MGAT4C: variants seen among roughly 807,000 people sequenced by gnomAD.
MGAT4C encodes MGAT4 family member C, also known as alpha-1,3-mannosyl-glycoprotein 4-beta-N-acetylglucosaminyltransferase C.
MGAT4C carries 19 observed loss-of-function variants against 40.1 expected under a neutral mutation model. The observed-to-expected ratio is 0.47, with a 90% CI of 0.33 to 0.70. The LOEUF (loss-of-function observed/expected upper bound fraction) is 0.70, where lower values mean the gene tolerates loss of function less well. MGAT4C is among the 30% of genes least tolerant of loss of function. The pLI is 0.02. For synonymous variants in MGAT4C, 181 were observed against 187.1 expected, an observed-to-expected ratio of 0.97 and a Z score of 0.27; for missense variants, 491 against 563.2, an observed-to-expected ratio of 0.87 and a Z score of 1.30.
intron 2 of MGAT4C, among the ~76,000 whole-genome samples, chr12:86,686,868 G>T (rs2136589770): frequency 6.6e-6 from 1 of 152,340 alleles, no homozygotes; most frequent in Non-Finnish European, 1.5e-5. Flanking sequence ...TTAGGGAGGA[G>T]TCCCTCTTTT....
intron 3 of MGAT4C, among the ~76,000 whole-genome samples, chr12:86,352,649 A>G (rs1955191495): frequency 6.6e-6 from 1 of 152,142 alleles, no homozygotes; most frequent in Admixed American, 6.6e-5. Context: ...AACACCTTTC[A>G]GTTGTTTCTT....
At chr12:86,029,525 A>C (rs762501766) in intron 2 of MGAT4C, among the ~76,000 whole-genome samples, 9 of 151,992 alleles carry the variant, frequency 5.9e-5, no homozygotes, top group African/African-American at 1.9e-4. Flanking sequence ...TTCTTTCCTT[A>C]GTCACAATTT....
intron 1 of MGAT4C, among the ~76,000 whole-genome samples, chr12:86,079,766 A>G (rs1470367462): frequency 6.6e-6 from 1 of 151,264 alleles, no homozygotes; most frequent in Non-Finnish European, 1.5e-5. Context: ...TAATATATAT[A>G]AAATATATTT....
In MGAT4C at chr12:86,267,188, A is replaced by G. The variant is rs141994992; in HGVS notation, c.-57+66877T>C. Among the ~76,000 whole-genome samples the G allele has an allele frequency of 2.4e-3, 365 of 151,556 alleles. 1 individual carries two copies. The highest frequency in any genetic ancestry group is 8.2e-3 in the African/African-American group (339 of 41,288). ...CTAGTCCCTTCAAGTGTATTATTAG[A>G]TTGTTAATTTGTAATCTTTCTACTT... On this transcript the variant is annotated intron_variant, in intron 4 of 7. Coordinates refer to the MGAT4C transcript ENST00000548651.
chr12:86,486,046 T>C (rs1340926105), intron 2 of MGAT4C, among the ~76,000 whole-genome samples: 1 of 152,072 alleles, frequency 6.6e-6, no homozygotes, highest in East Asian at 1.9e-4. Flanking sequence ...CCATTATCGC[T>C]AGACAAGCCT....
intron 2 of MGAT4C, among the ~76,000 whole-genome samples, chr12:86,443,707 C>T (rs888966850): frequency 6.6e-6 from 1 of 152,176 alleles, no homozygotes; most frequent in East Asian, 1.9e-4. Flanking sequence ...CATTCTCCCG[C>T]CTCAGCCTCC....
At chr12:86,709,582 G>T in intron 2 of MGAT4C, among the ~76,000 whole-genome samples, 1 of 151,932 alleles carries the variant, frequency 6.6e-6, no homozygotes, top group South Asian at 2.1e-4. Context: ...TTTTACATAT[G>T]TATGTATGTA....
chr12:86,647,625 A>G (rs984699459), intron 2 of MGAT4C, among the ~76,000 whole-genome samples: 22 of 151,748 alleles, frequency 1.4e-4, no homozygotes, highest in Admixed American at 3.3e-4. Context: ...AATTGTCTTT[A>G]CTCTAGATCA....
At chr12:86,428,271 TA>T (rs1956968902) in intron 3 of MGAT4C, among the ~76,000 whole-genome samples, 1 of 152,184 alleles carries the variant, frequency 6.6e-6, no homozygotes, top group Non-Finnish European at 1.5e-5. Context: ...CTCAAGTTCC[TA>T]ATAACTGGCA....
intron 4 of MGAT4C, among the ~76,000 whole-genome samples, chr12:86,299,212 G>GTTCA (rs1953752836): frequency 6.6e-6 from 1 of 152,128 alleles, no homozygotes; most frequent in African/African-American, 2.4e-5. Flanking sequence ...GCCTCCTGGG[G>GTTCA]TTCAGTTCAT....
chr12:86,090,074 C>T (rs79077266), intron 1 of MGAT4C, among the ~76,000 whole-genome samples: 321 of 151,598 alleles, frequency 2.1e-3, no homozygotes, highest in African/African-American at 7.3e-3. Context: ...TTTGAATATA[C>T]AATTATAATA....
chr12:86,803,330 A>C (rs1952271145), intron 1 of MGAT4C, among the ~76,000 whole-genome samples: 1 of 151,686 alleles, frequency 6.6e-6, no homozygotes, highest in Non-Finnish European at 1.5e-5. Flanking sequence ...AAACCTAGGC[A>C]TTACCATTCA....
chr12:86,388,212 G>T (rs964160370), intron 3 of MGAT4C, among the ~76,000 whole-genome samples: 11 of 151,952 alleles, frequency 7.2e-5, no homozygotes, highest in Non-Finnish European at 1.5e-4. Flanking sequence ...GAAGCTTTTC[G>T]CAGTGTTATT....
At chr12:86,417,675 A>G (rs1166821446) in intron 3 of MGAT4C, among the ~76,000 whole-genome samples, 5 of 152,120 alleles carry the variant, frequency 3.3e-5, no homozygotes, top group African/African-American at 1.2e-4. Context: ...TCTTTGAATG[A>G]GATATATTTA....
intron 1 of MGAT4C, among the ~76,000 whole-genome samples, chr12:86,142,643 A>G (rs1259560992): frequency 6.6e-6 from 1 of 151,976 alleles, no homozygotes. Context: ...TTTATATTAC[A>G]TATTTAGATA....
intron 2 of MGAT4C, among the ~76,000 whole-genome samples, chr12:86,508,590 G>A (rs1356296704): frequency 6.6e-5 from 10 of 151,438 alleles, no homozygotes; most frequent in Non-Finnish European, 1.2e-4. Context: ...GGGATGGCTG[G>A]GTCAAATGGT....
At chr12:86,622,715 A>G (rs759013504) in intron 2 of MGAT4C, among the ~76,000 whole-genome samples, 2 of 152,170 alleles carry the variant, frequency 1.3e-5, no homozygotes, top group African/African-American at 2.4e-5. Context: ...ATGTAGCATA[A>G]ACAAGTTTAA....
At chr12:86,550,925 C>T (rs1339889949) in intron 2 of MGAT4C, among the ~76,000 whole-genome samples, 2 of 152,210 alleles carry the variant, frequency 1.3e-5, no homozygotes, top group Non-Finnish European at 2.9e-5. Context: ...ATTTCTCTGC[C>T]GGGCCCAATG....
At chr12:86,334,467 G>A (rs1269406491) in intron 3 of MGAT4C, among the ~76,000 whole-genome samples, 1 of 152,006 alleles carries the variant, frequency 6.6e-6, no homozygotes, top group Non-Finnish European at 1.5e-5. Flanking sequence ...AAAGAAATAA[G>A]CCATGTAACT....
Sources: allele counts gnomAD v4.1 joint callset (sites outside exome capture counted in the v4.1 genomes callset), GRCh38; gene constraint gnomAD v4.1.1; transcripts MANE v1.5; gene names NCBI Gene and HGNC (gene_info 2026-07-23, HGNC 2026-07-21).